Variants in CFAP54 observed in about 807,000 individuals in gnomAD.
CFAP54 encodes the protein cilia- and flagella-associated protein 54.
CFAP54 carries 290 observed loss-of-function variants against 370.4 expected under a neutral mutation model. The ratio of observed to expected loss-of-function variants is 0.78; its 90% CI spans 0.71 to 0.86. The LOEUF (loss-of-function observed/expected upper bound fraction) is 0.86. Ranked by LOEUF, CFAP54 falls within the 40% of genes least tolerant of loss-of-function variation. The pLI is 0.00. For synonymous variants in CFAP54, 1,206 were observed against 1,236.5 expected, an observed-to-expected ratio of 0.98 and a Z score of 0.52; for missense variants, 3,399 against 3,528.7, an observed-to-expected ratio of 0.96 and a Z score of 0.93.
At position 96,600,417 on chromosome 12, in the gene CFAP54, A is replaced by T. The variant is rs375176682; in HGVS notation, c.3639+1650A>T. ...TGTAGTATAATTTGAAGTCAGGTAGAGTGATGCCTCCAGCTTTGTTCTTTT... is the reference window on the plus strand; with the variant it reads ...TGTAGTATAATTTGAAGTCAGGTAGTGTGATGCCTCCAGCTTTGTTCTTTT... On this transcript the variant is annotated intron_variant, in intron 26 of 67. Transcript: ENST00000524981. Among the ~76,000 whole-genome samples, 6 of 152,104 alleles carry T rather than the reference A, an allele frequency of 3.9e-5. No homozygotes were observed. The East Asian group carries it at 5.8e-4, about 15-fold the overall frequency.
At chr12:96,673,020 A>G (rs938017137) in intron 39 of CFAP54, among the ~76,000 whole-genome samples, 6 of 152,322 alleles carry the variant, frequency 3.9e-5, no homozygotes, top group African/African-American at 1.4e-4. Flanking sequence ...CAGTCAGGCT[A>G]CAGTAATCCT....
intron 4 of CFAP54, among the ~76,000 whole-genome samples, chr12:96,507,564 C>CACAT (rs1466147706): frequency 1.4e-5 from 2 of 142,714 alleles, no homozygotes; most frequent in Non-Finnish European, 3.1e-5. Flanking sequence ...CACACATACA[C>CACAT]ACACACATAT....
Position 96,784,768 on chromosome 12 carries a change from A to G in CFAP54, c.8333A>G (p.Asp2778Gly). 2 of 1,533,522 alleles carry G rather than the reference A, an allele frequency of 1.3e-6. No homozygotes were observed. The highest frequency in any genetic ancestry group is 1.7e-6 in the Non-Finnish European group (2 of 1,145,726). 95.0% of individuals were successfully genotyped at this position (1,533,522 alleles called of 1,614,324 possible). The change falls in exon 61 of 68, where the codon GAT (aspartate) becomes GGT (glycine). Residue 2778 changes from aspartate to glycine, a missense_variant. This residue lies in a region of CFAP54 where 2,796 missense variants were observed against 2,869.7 expected (regional missense o/e 0.97). Coordinates refer to ENST00000524981, the MANE Select transcript of CFAP54 (RefSeq NM_001306084.2). ...QTSCTFLYQN[D>G]DVCDSADGRK... ...TCCTGTACATTTTTGTACCAAAATG[A>G]TGATGTGTGTGACAGCGCAGATGGT... is the stretch of plus-strand genomic sequence containing the variant.
intron 65 of CFAP54, among the ~76,000 whole-genome samples, chr12:96,819,581 A>G (rs1043354710): frequency 2.0e-5 from 3 of 152,072 alleles, no homozygotes; most frequent in South Asian, 2.1e-4. Context: ...CTTCTCTTCT[A>G]TGTATTGTTA....
chr12:96,804,729 T>G (rs1245073376), intron 63 of CFAP54, among the ~76,000 whole-genome samples: 1 of 151,968 alleles, frequency 6.6e-6, no homozygotes, highest in African/African-American at 2.4e-5. Context: ...CACAGATAAT[T>G]AGAAAAAAAC....
intron 26 of CFAP54, among the ~76,000 whole-genome samples, chr12:96,606,195 G>A (rs1956298731): frequency 6.6e-6 from 1 of 152,226 alleles, no homozygotes; most frequent in Non-Finnish European, 1.5e-5. Flanking sequence ...AAGAGGAAGA[G>A]TAGAGCTGAG....
At chr12:96,536,992 T>A (rs111741772) in intron 12 of CFAP54, among the ~76,000 whole-genome samples, 4 of 100,048 alleles carry the variant, frequency 4.0e-5, no homozygotes, top group Admixed American at 2.3e-4. Context: ...TCAATACAAT[T>A]CAATTCAATT....
chr12:96,669,200 A>T (rs953400102), intron 39 of CFAP54, among the ~76,000 whole-genome samples: 3 of 152,246 alleles, frequency 2.0e-5, no homozygotes, highest in Admixed American at 6.5e-5. Context: ...GAGGTTAGAA[A>T]GGTTGGCAGA....
At chr12:96,597,152 C>G (rs980152888) in intron 25 of CFAP54, among the ~76,000 whole-genome samples, 2 of 151,920 alleles carry the variant, frequency 1.3e-5, no homozygotes. Flanking sequence ...ACGGTAGTCC[C>G]TCTGCTAGTA....
chr12:96,795,319 G>C (rs1042119666), intron 63 of CFAP54, among the ~76,000 whole-genome samples: 6 of 152,316 alleles, frequency 3.9e-5, no homozygotes, highest in African/African-American at 1.4e-4. Context: ...GGGTTTCTCA[G>C]GTGGTGGATG....
At position 96,584,498 on chromosome 12, in the gene CFAP54, A is replaced by T. The variant is rs1429098240; in HGVS notation, c.3075+3393A>T. On this transcript the variant is annotated intron_variant, in intron 22 of 67. Transcript: ENST00000524981. Reference sequence around the variant, plus strand: ...AACAATAACAACAAAAAGAGTTTTAACTCTTCTTTTCCCTCTCATCCTCTA... The same window carrying T: ...AACAATAACAACAAAAAGAGTTTTATCTCTTCTTTTCCCTCTCATCCTCTA... 2.0e-5 allele frequency among the ~76,000 whole-genome samples: 3 copies of T among 151,858 alleles called. No homozygotes were observed. In the East Asian group the frequency reaches 5.8e-4, roughly 29 times the overall value.
intron 45 of CFAP54, among the ~76,000 whole-genome samples, chr12:96,698,237 C>G (rs1237820806): frequency 1.3e-5 from 2 of 152,026 alleles, no homozygotes; most frequent in Non-Finnish European, 1.5e-5. Context: ...GTAAGAACTC[C>G]TTTTTCTATA....
At position 96,764,137 on chromosome 12, in the gene CFAP54, T is replaced by C; in HGVS notation, c.8041-14T>C. Reference sequence around the variant, plus strand: ...ACAAAACTTTATATCATAACACATTTGCCATATTTTTAGCCTCCTCTCAGA... The same window carrying C: ...ACAAAACTTTATATCATAACACATTCGCCATATTTTTAGCCTCCTCTCAGA... On this transcript the variant is annotated splice_polypyrimidine_tract_variant and intron_variant, in intron 58 of 67. Transcript: ENST00000524981. 6.4e-7 allele frequency: 1 copy of C among 1,560,138 alleles called. No homozygotes were observed. The highest frequency in any genetic ancestry group is 1.4e-5 in the African/African-American group (1 of 73,720).
In CFAP54 at chr12:96,576,499, A is replaced by G. The variant is rs138593947; in HGVS notation, c.2620-86A>G. 3,399 of 1,007,948 alleles carry G rather than the reference A, an allele frequency of 3.4e-3. 90 individuals carry two copies. In the African/African-American group the frequency reaches 0.049, roughly 15 times the overall value. The allele number at this position is 1,007,948 out of a possible 1,614,324, so 62.4% of individuals were successfully genotyped here. A position where few individuals can be genotyped will look rare whatever the true frequency, so the allele number is the denominator to read the frequency against. On this transcript the variant is annotated intron_variant, in intron 19 of 67. Coordinates refer to ENST00000524981, the MANE Select transcript of CFAP54 (RefSeq NM_001306084.2). ...GAAAAACTGCATATAAAAATATAAC[A>G]TTGTTTAACATCACTAGAATTCTAT...
intron 50 of CFAP54, among the ~76,000 whole-genome samples, chr12:96,729,060 GGCCAT>G (rs1957881711): frequency 6.6e-6 from 1 of 152,116 alleles, no homozygotes; most frequent in African/African-American, 2.4e-5. Flanking sequence ...AGGAGTACCC[GGCCAT>G]GTGAGGTGTC....
At chr12:96,614,682 C>A (rs1390905251) in intron 26 of CFAP54, among the ~76,000 whole-genome samples, 1 of 152,204 alleles carries the variant, frequency 6.6e-6, no homozygotes, top group Non-Finnish European at 1.5e-5. Context: ...GATACAAAAT[C>A]AATGTGCAAA....
At chr12:96,708,499 C>T in intron 47 of CFAP54, 109 bp from the exon 48 acceptor site, 1 of 869,106 alleles carries the variant, frequency 1.2e-6, no homozygotes, top group Admixed American at 2.8e-5. Context: ...CATGCCCAGC[C>T]CTATATCCCT....
chr12:96,657,076 A>T (rs1480515362), intron 36 of CFAP54, among the ~76,000 whole-genome samples: 1 of 152,162 alleles, frequency 6.6e-6, no homozygotes, highest in Non-Finnish European at 1.5e-5. Context: ...ACTTTTGTTG[A>T]TACTTCACAC....
At chr12:96,870,644 C>G (rs749267889) in intron 67 of CFAP54, among the ~76,000 whole-genome samples, 1 of 152,124 alleles carries the variant, frequency 6.6e-6, no homozygotes, top group Non-Finnish European at 1.5e-5. Context: ...TCGTTTCTGT[C>G]TAGAAGGATC....
Sources: gnomAD v4.1 joint callset for allele counts (sites outside exome capture counted in the v4.1 genomes callset) on GRCh38, gnomAD v4.1.1 for gene constraint, gnomAD v4.1.1 regional missense constraint, MANE v1.5 for transcripts, NCBI Gene and HGNC (gene_info 2026-07-23, HGNC 2026-07-21) for gene names.